Variants in SEMA5A observed in about 807,000 individuals in gnomAD.
SEMA5A encodes the protein semaphorin-5A.
SEMA5A carries 55 observed loss-of-function variants against 135.5 expected under a neutral mutation model. The ratio of observed to expected loss-of-function variants is 0.41; its 90% CI spans 0.33 to 0.51. SEMA5A has a LOEUF of 0.51. Among genes scored for constraint, SEMA5A ranks in the 20% least tolerant of loss-of-function variants. The pLI, the probability that SEMA5A is intolerant of heterozygous loss-of-function variation, is 0.37. For synonymous variants in SEMA5A, 580 were observed against 546.5 expected (o/e 1.06, Z -0.85); for missense variants, 1,290 against 1,419.9 (o/e 0.91, Z 1.47).
At chr5:9,291,889 T>C (rs1751102224) in intron 5 of SEMA5A, among the ~76,000 whole-genome samples, 1 of 151,930 alleles carries the variant, frequency 6.6e-6, no homozygotes, top group Admixed American at 6.6e-5. Context: ...TAGCAATTAA[T>C]AACTGAAACA....
intron 15 of SEMA5A, among the ~76,000 whole-genome samples, chr5:9,116,058 A>G (rs1355666319): frequency 6.6e-6 from 1 of 152,170 alleles, no homozygotes; most frequent in African/African-American, 2.4e-5. Context: ...ACAGCCCACA[A>G]AGAACTGAAT....
intron 5 of SEMA5A, among the ~76,000 whole-genome samples, chr5:9,290,000 C>A (rs1057046215): frequency 5.9e-5 from 9 of 152,086 alleles, no homozygotes; most frequent in African/African-American, 2.2e-4. Context: ...CATTAACAAC[C>A]AATTCACATA....
intron 5 of SEMA5A, among the ~76,000 whole-genome samples, chr5:9,308,084 G>C (rs1751955227): frequency 6.6e-6 from 1 of 152,160 alleles, no homozygotes; most frequent in South Asian, 2.1e-4. Context: ...GCAGAGACTA[G>C]TGTCTGTTCG....
chr5:9,238,024 T>A (rs1297142141), intron 5 of SEMA5A, 134 bp from the exon 6 acceptor site: 9 of 718,898 alleles, frequency 1.3e-5, no homozygotes, highest in South Asian at 1.2e-4. Context: ...TTCATACTCA[T>A]AGAATTTACA....
chr5:9,195,157 G>C (rs551453470), intron 10 of SEMA5A, among the ~76,000 whole-genome samples: 18 of 152,240 alleles, frequency 1.2e-4, no homozygotes, highest in South Asian at 2.1e-4. Flanking sequence ...TATGTAGAAG[G>C]CACCAAATAA....
intron 8 of SEMA5A, among the ~76,000 whole-genome samples, chr5:9,207,134 A>ATGTATATATATATATATAT (rs1491507145): frequency 7.2e-6 from 1 of 139,702 alleles, no homozygotes; most frequent in Non-Finnish European, 1.6e-5. Flanking sequence ...ATATATATAT[A>ATGTATATATATATATATAT]AAGCTTAAAG....
chr5:9,288,427 G>A (rs1750908108), intron 5 of SEMA5A, among the ~76,000 whole-genome samples: 1 of 152,178 alleles, frequency 6.6e-6, no homozygotes, highest in African/African-American at 2.4e-5. Flanking sequence ...TTCTCCCACA[G>A]GCCTTCCAAG....
intron 1 of SEMA5A, among the ~76,000 whole-genome samples, chr5:9,450,013 T>C (rs1758577205): frequency 6.6e-6 from 1 of 152,218 alleles, no homozygotes; most frequent in Non-Finnish European, 1.5e-5. Context: ...TAACAATGGC[T>C]GTCCATCCTG....
At chr5:9,496,977 G>C (rs1408202513) in intron 1 of SEMA5A, among the ~76,000 whole-genome samples, 2 of 152,284 alleles carry the variant, frequency 1.3e-5, no homozygotes, top group East Asian at 3.9e-4. Context: ...AGAGAGAACA[G>C]GCCTTGAAAT....
At chr5:9,070,504 G>A (rs1184462393) in intron 16 of SEMA5A, among the ~76,000 whole-genome samples, 1 of 152,144 alleles carries the variant, frequency 6.6e-6, no homozygotes, top group East Asian at 1.9e-4. Context: ...AGATTTATAG[G>A]ATACCACCAA....
At chr5:9,089,645 G>A (rs1366054436) in intron 16 of SEMA5A, among the ~76,000 whole-genome samples, 1 of 152,134 alleles carries the variant, frequency 6.6e-6, no homozygotes, top group Non-Finnish European at 1.5e-5. Context: ...GCATTGAATT[G>A]GCTGTGATCT....
intron 16 of SEMA5A, among the ~76,000 whole-genome samples, chr5:9,070,664 C>T (rs997582877): frequency 3.3e-4 from 50 of 152,282 alleles, no homozygotes; most frequent in African/African-American, 1.2e-3. Flanking sequence ...GGGCACAGCT[C>T]ACGGCTAAGA....
intron 15 of SEMA5A, among the ~76,000 whole-genome samples, chr5:9,110,487 AAAG>A (rs1397022341): frequency 6.6e-6 from 1 of 152,256 alleles, no homozygotes; most frequent in Admixed American, 6.5e-5. Context: ...ATGGTGTTGG[AAAG>A]AAGGAGAAGA....
rs1459930342 is a variant in SEMA5A, at chr5:9,482,982, T to C, written c.-174-45130A>G. 2.0e-5 allele frequency among the ~76,000 whole-genome samples: 3 copies of C among 152,350 alleles called. No homozygotes were observed. In the South Asian group the frequency reaches 6.2e-4, roughly 32 times the overall value. On this transcript the variant is annotated intron_variant, in intron 1 of 22. Coordinates refer to ENST00000382496, the MANE Select transcript of SEMA5A (RefSeq NM_003966.3). ...CATGATGAGCACATAGTAACTTAAATTCAAACATCAAAGGACTGCTCAGTT... is the reference window on the plus strand; with the variant it reads ...CATGATGAGCACATAGTAACTTAAACTCAAACATCAAAGGACTGCTCAGTT...
At chr5:9,291,605 A>AAGAG (rs113178598) in intron 5 of SEMA5A, among the ~76,000 whole-genome samples, 68 of 126,784 alleles carry the variant, frequency 5.4e-4, no homozygotes, top group Non-Finnish European at 7.2e-4. Context: ...GAGAGAGAGA[A>AAGAG]AGAGAGAGAG....
chr5:9,299,102 G>A (rs761998273), intron 5 of SEMA5A, among the ~76,000 whole-genome samples: 1 of 112,598 alleles, frequency 8.9e-6, no homozygotes, highest in Non-Finnish European at 1.9e-5. Context: ...AACATTGATG[G>A]TGGGCATCAC....
At chr5:9,469,417 A>G (rs268508) in intron 1 of SEMA5A, among the ~76,000 whole-genome samples, 148,065 of 152,330 alleles carry the variant, frequency 0.97, 72,197 homozygotes, top group Non-Finnish European at 1. Context: ...GGCTACCAGA[A>G]AACAGAGAAA....
intron 16 of SEMA5A, among the ~76,000 whole-genome samples, chr5:9,079,092 C>T (rs982541183): frequency 2.6e-5 from 4 of 152,074 alleles, no homozygotes; most frequent in Admixed American, 6.6e-5. Context: ...AAATTAATGG[C>T]AAATAATTTA....
chr5:9,513,059 T>C (rs1018951064), intron 1 of SEMA5A, among the ~76,000 whole-genome samples: 1 of 106,190 alleles, frequency 9.4e-6, no homozygotes, highest in African/African-American at 3.8e-5. Flanking sequence ...GATGCAAATA[T>C]ATATATATAA....
Sources: gnomAD v4.1 joint callset for allele counts (sites outside exome capture counted in the v4.1 genomes callset) on GRCh38, gnomAD v4.1.1 for gene constraint, MANE v1.5 for transcripts, NCBI Gene and HGNC (gene_info 2026-07-23, HGNC 2026-07-21) for gene names.